The following EIF4EBP2 variants were observed in gnomAD, a reference collection of about 807,000 sequenced individuals.
The protein encoded by EIF4EBP2 is eukaryotic translation initiation factor 4E binding protein 2.
A neutral mutation model predicts 10.3 loss-of-function variants in EIF4EBP2; 5 were observed. The observed-to-expected ratio is 0.48, with a 90% CI of 0.25 to 1.02. The LOEUF is 1.02. EIF4EBP2 is among the 50% of genes least tolerant of loss of function. The probability of loss-of-function intolerance (pLI) is 0.15; values close to 1 mark genes in which losing one functional copy is unlikely to be tolerated. For synonymous variants in EIF4EBP2, 67 were observed against 61.1 expected (o/e 1.10, Z -0.45); for missense variants, 188 against 162.2 (o/e 1.16, Z -0.86).
intron 1 of EIF4EBP2, among the ~76,000 whole-genome samples, chr10:70,418,155 C>T (rs11597457): frequency 0.074 from 11,273 of 152,134 alleles, 580 homozygotes; most frequent in South Asian, 0.2. Flanking sequence ...GATTTGTGCC[C>T]TTATAAGATG....
At chr10:70,404,770 C>T (rs766016972) in intron 1 of EIF4EBP2, among the ~76,000 whole-genome samples, 3 of 152,216 alleles carry the variant, frequency 2.0e-5, no homozygotes, top group Non-Finnish European at 4.4e-5. Context: ...GCTGTCCTGT[C>T]GCGAAAAAGA....
chr10:70,406,014 C>T (rs1017584767), intron 1 of EIF4EBP2, among the ~76,000 whole-genome samples: 2 of 152,206 alleles, frequency 1.3e-5, no homozygotes, highest in African/African-American at 4.8e-5. Flanking sequence ...CAGGGTCTCA[C>T]TCTGTCGCCC....
At chr10:70,405,594 TG>T (rs887411742) in intron 1 of EIF4EBP2, among the ~76,000 whole-genome samples, 2 of 152,120 alleles carry the variant, frequency 1.3e-5, no homozygotes, top group African/African-American at 4.8e-5. Flanking sequence ...TGCTAGAGGG[TG>T]GGGACTTCGC....
rs1845172049 is a variant in EIF4EBP2, at chr10:70,422,820, G to A, written c.*1073G>A. On this transcript the variant is annotated 3_prime_UTR_variant, in exon 3 of 3. Transcript: ENST00000373218. ...TTTCTTATGTTTTGAGTTTGAAGTT[G>A]ATTTTCAGAATGTTCTTAGAAAAGA... 2.6e-5 allele frequency: 4 copies of A among 152,174 alleles called. No homozygotes were observed. The highest frequency in any genetic ancestry group is 9.7e-5 in the African/African-American group (4 of 41,442). The allele number at this position is 152,174 out of a possible 1,614,324, so 9.4% of individuals were successfully genotyped here.
intron 1 of EIF4EBP2, among the ~76,000 whole-genome samples, chr10:70,405,282 C>T (rs1844955004): frequency 6.6e-6 from 1 of 152,156 alleles, no homozygotes; most frequent in South Asian, 2.1e-4. Context: ...CAAGGACACC[C>T]CAGTTGGGTG....
Position 70,426,590 on chromosome 10 carries a change from C to T in EIF4EBP2, c.*4843C>T, listed in dbSNP as rs1042014161. On this transcript the variant is annotated 3_prime_UTR_variant, in exon 3 of 3. Coordinates refer to ENST00000373218, the MANE Select transcript of EIF4EBP2 (RefSeq NM_004096.5). ...CCGCGCCTGGCCAAAGATGCAAATTCTTGTTTGGATTTATGCTCTGCCTCT... is the reference window on the plus strand; with the variant it reads ...CCGCGCCTGGCCAAAGATGCAAATTTTTGTTTGGATTTATGCTCTGCCTCT... The T allele has an allele frequency of 1.1e-4, 17 of 152,208 alleles. No individual in the cohort carries two copies. Among genetic ancestry groups the T allele is most frequent in the African/African-American group, 2.9e-4 (12 of 41,454 alleles). 9.4% of individuals were successfully genotyped at this position (152,208 alleles called of 1,614,324 possible). A position where few individuals can be genotyped will look rare whatever the true frequency, so the allele number is the denominator to read the frequency against.
intron 1 of EIF4EBP2, among the ~76,000 whole-genome samples, chr10:70,410,849 T>C (rs545915732): frequency 6.6e-6 from 1 of 152,334 alleles, no homozygotes; most frequent in Non-Finnish European, 1.5e-5. Flanking sequence ...GCTGGAGAAT[T>C]GTCAAGAATT....
At chr10:70,407,504 A>G (rs1480495071) in intron 1 of EIF4EBP2, among the ~76,000 whole-genome samples, 1 of 150,526 alleles carries the variant, frequency 6.6e-6, no homozygotes, top group African/African-American at 2.4e-5. Flanking sequence ...AAAGTCTCCC[A>G]TGTCCACCTC....
In EIF4EBP2 at chr10:70,404,363, C is replaced by T. The variant is rs368024517; in HGVS notation, c.-39C>T. ...GCAGCCCCGGCCCCGCCGCCGCCGC[C>T]TGCCCGCCGGACAAAGCCGAGAGCC... On this transcript the variant is annotated 5_prime_UTR_variant, in exon 1 of 3. Transcript: ENST00000373218. 2,965 of 1,507,684 alleles carry T rather than the reference C, an allele frequency of 2.0e-3. 7 individuals are homozygous for T. The highest frequency in any genetic ancestry group is 2.4e-3 in the Non-Finnish European group (2,705 of 1,131,350). The allele number at this position is 1,507,684 out of a possible 1,614,324, so 93.4% of individuals were successfully genotyped here. A position where few individuals can be genotyped will look rare whatever the true frequency, so the allele number is the denominator to read the frequency against.
Position 70,406,226 on chromosome 10 carries a change from G to A in EIF4EBP2, c.145+1680G>A, listed in dbSNP as rs1327278343. On this transcript the variant is annotated intron_variant, in intron 1 of 2. Coordinates refer to ENST00000373218, the MANE Select transcript of EIF4EBP2 (RefSeq NM_004096.5). ...TGGGCTCAAGTTATTCGCCCCGTCA[G>A]CCTCCCAAAGTGCTGGGATTACAGG... Among the ~76,000 whole-genome samples, 3 of 152,314 alleles carry A rather than the reference G, an allele frequency of 2.0e-5. No homozygotes were observed. The South Asian group carries it at 6.2e-4, about 32-fold the overall frequency.
At chr10:70,404,590 G>C in intron 1 of EIF4EBP2, 44 bp downstream of exon 1, 1 of 1,509,436 alleles carries the variant, frequency 6.6e-7, no homozygotes, top group Non-Finnish European at 8.8e-7. Flanking sequence ...GTCCCGCCGC[G>C]GTCCTCTAAC....
intron 1 of EIF4EBP2, among the ~76,000 whole-genome samples, chr10:70,413,594 CA>C (rs1330739954): frequency 9.0e-6 from 1 of 111,534 alleles, no homozygotes; most frequent in South Asian, 2.9e-4. Context: ...GGTGATAGAG[CA>C]AGACCCTGAC....
intron 1 of EIF4EBP2, among the ~76,000 whole-genome samples, chr10:70,415,158 GAAA>G (rs377725171): frequency 9.3e-6 from 1 of 107,470 alleles, no homozygotes; most frequent in African/African-American, 3.4e-5. Context: ...ACCCTCTCTC[GAAA>G]AAAAAAAAAA....
intron 1 of EIF4EBP2, among the ~76,000 whole-genome samples, chr10:70,407,124 T>C (rs1322018897): frequency 6.6e-6 from 1 of 150,548 alleles, no homozygotes; most frequent in Non-Finnish European, 1.5e-5. Context: ...GTCTTTTTTT[T>C]TTTGTTGTTG....
Position 70,424,929 on chromosome 10 carries a change from G to A in EIF4EBP2, c.*3182G>A, listed in dbSNP as rs541152308. The A allele has an allele frequency of 6.6e-6, 1 of 152,276 alleles. No homozygotes were observed. Among genetic ancestry groups the A allele is most frequent in the East Asian group, 1.9e-4 (1 of 5,186 alleles). 9.4% of individuals were successfully genotyped at this position (152,276 alleles called of 1,614,324 possible). A position where few individuals can be genotyped will look rare whatever the true frequency, so the allele number is the denominator to read the frequency against. ...CTTCCACCTGTATTAGTTATCTATT[G>A]CTGTGTAAAAAATTACCCTAAATTT... On this transcript the variant is annotated 3_prime_UTR_variant, in exon 3 of 3. Transcript: ENST00000373218.
intron 1 of EIF4EBP2, among the ~76,000 whole-genome samples, chr10:70,414,500 G>A (rs1227737478): frequency 6.6e-6 from 1 of 152,064 alleles, no homozygotes; most frequent in Non-Finnish European, 1.5e-5. Context: ...ACATATCTTA[G>A]GAATGCATTA....
At chr10:70,410,586 A>C (rs943020145) in intron 1 of EIF4EBP2, among the ~76,000 whole-genome samples, 3 of 152,268 alleles carry the variant, frequency 2.0e-5, no homozygotes, top group African/African-American at 7.2e-5. Context: ...ACTGAAGTTC[A>C]TTCATGAATG....
At chr10:70,409,345 A>T (rs942936025) in intron 1 of EIF4EBP2, among the ~76,000 whole-genome samples, 2 of 151,852 alleles carry the variant, frequency 1.3e-5, no homozygotes, top group Non-Finnish European at 2.9e-5. Context: ...TGGGGATGAT[A>T]TTTGGTTCTT....
chr10:70,415,569 T>G (rs777767190), intron 1 of EIF4EBP2, among the ~76,000 whole-genome samples: 2 of 152,200 alleles, frequency 1.3e-5, no homozygotes, highest in Non-Finnish European at 2.9e-5. Context: ...TACTAGCATA[T>G]GGATATACAT....
Sources: allele counts gnomAD v4.1 joint callset (sites outside exome capture counted in the v4.1 genomes callset), GRCh38; gene constraint gnomAD v4.1.1; transcripts MANE v1.5; gene names NCBI Gene and HGNC (gene_info 2026-07-23, HGNC 2026-07-21).